Variants in HYDIN observed in about 807,000 individuals in gnomAD.
The protein encoded by HYDIN is axonemal central pair apparatus protein HYDIN.
In HYDIN, 132 loss-of-function variants were observed where a neutral mutation model predicts 403.9. That is an observed-to-expected ratio of 0.33 (90% confidence interval 0.28 to 0.38). The LOEUF is 0.38. HYDIN is among the 10% of genes least tolerant of loss of function. HYDIN has a pLI of 1.00. For synonymous variants in HYDIN, 1,202 were observed against 1,891.7 expected (o/e 0.64, Z 9.46); for missense variants, 2,827 against 5,009.5 (o/e 0.56, Z 13.15).
At chr16:71,019,554 T>C (rs560326363) in intron 22 of HYDIN, among the ~76,000 whole-genome samples, 2 of 152,258 alleles carry the variant, frequency 1.3e-5, no homozygotes, top group East Asian at 1.9e-4. Flanking sequence ...TTGTAGATCA[T>C]GGCATCTGTA....
At chr16:71,129,900 T>A in intron 8 of HYDIN, 77 bp from the exon 9 acceptor site, 1 of 1,541,392 alleles carries the variant, frequency 6.5e-7, no homozygotes, top group Non-Finnish European at 8.8e-7. Context: ...CTCTAGTACC[T>A]CCTCCTGGAA....
In HYDIN at chr16:70,834,247, T is replaced by C. The variant is rs370502511; in HGVS notation, c.13402-83A>G. On this transcript the variant is annotated intron_variant, in intron 78 of 85. Transcript: ENST00000393567. ...GTTCCCGGAGTTCTTGCTGCTGCGA[T>C]TGGAACAGGGGTCAGATCTCACTCC... The C allele has an allele frequency of 6.1e-4, 504 of 821,820 alleles. 6 individuals are homozygous for C. The Middle Eastern group carries it at 6.2e-3, about 10-fold the overall frequency. The allele number at this position is 821,820 out of a possible 1,614,324, so 50.9% of individuals were successfully genotyped here.
At chr16:71,006,766 ATC>A (rs1365595234) in intron 23 of HYDIN, among the ~76,000 whole-genome samples, 1 of 151,862 alleles carries the variant, frequency 6.6e-6, no homozygotes, top group East Asian at 1.9e-4. Flanking sequence ...GCTGGGACTG[ATC>A]ATCTAGCCCG....
At chr16:71,053,479 T>G (rs1312300728) in intron 18 of HYDIN, among the ~76,000 whole-genome samples, 1 of 152,158 alleles carries the variant, frequency 6.6e-6, no homozygotes, top group African/African-American at 2.4e-5. Flanking sequence ...CCACAGCAAT[T>G]AAAATGAAAT....
rs374838998 is a variant in HYDIN, at chr16:70,901,011, C to T, written c.9041G>A (p.Arg3014Gln). 63 of 553,466 alleles carry T rather than the reference C, an allele frequency of 1.1e-4. No individual in the cohort carries two copies. Among genetic ancestry groups the T allele is most frequent in the South Asian group, 2.0e-5 (1 of 50,914 alleles). The allele number at this position is 553,466 out of a possible 1,614,324, so 34.3% of individuals were successfully genotyped here. The change falls in exon 53 of 86, where the codon CGG becomes CAG. Residue 3014 changes from arginine to glutamine, a missense_variant. Transcript: ENST00000393567. Reference protein sequence around the residue: ...TKPVNIKKAIRLEVLDAENLL... With the variant: ...TKPVNIKKAIQLEVLDAENLL... ...GGATGTGTGAAGCCTCACCTCCAAC[C>T]GAATAGCCTTCTTGATGTTGACAGG...
At chr16:71,057,778 C>A (rs1330580011) in intron 18 of HYDIN, among the ~76,000 whole-genome samples, 13 of 145,968 alleles carry the variant, frequency 8.9e-5, no homozygotes, top group Admixed American at 8.2e-4. Flanking sequence ...AAAAAGTGGG[C>A]GAAGGACATG....
chr16:71,055,281 C>T (rs2081843649), intron 18 of HYDIN, among the ~76,000 whole-genome samples: 1 of 152,238 alleles, frequency 6.6e-6, no homozygotes, highest in Non-Finnish European at 1.5e-5. Context: ...CCTATTTCTA[C>T]CTAGTTAAAA....
chr16:71,171,899 T>C (rs538050322), intron 5 of HYDIN, among the ~76,000 whole-genome samples: 93 of 152,340 alleles, frequency 6.1e-4, no homozygotes, highest in Non-Finnish European at 1.1e-3. Context: ...TACTGCACCC[T>C]TTCTATGTAT....
chr16:71,052,143 T>C (rs796123561), intron 18 of HYDIN, among the ~76,000 whole-genome samples: 1 of 152,112 alleles, frequency 6.6e-6, no homozygotes, highest in Admixed American at 6.5e-5. Context: ...ATTGGTAAAA[T>C]AGACATAATA....
intron 75 of HYDIN, among the ~76,000 whole-genome samples, chr16:70,843,413 G>A (rs1458861719): frequency 7.9e-6 from 1 of 126,748 alleles, no homozygotes; most frequent in Non-Finnish European, 1.6e-5. Context: ...TGGTGTATAT[G>A]TGCCACATTT....
At chr16:70,925,842 C>T (rs955160062) in intron 45 of HYDIN, among the ~76,000 whole-genome samples, 1 of 151,908 alleles carries the variant, frequency 6.6e-6, no homozygotes, top group Non-Finnish European at 1.5e-5. Flanking sequence ...TTTATGCAGC[C>T]AAAAAACACA....
intron 4 of HYDIN, among the ~76,000 whole-genome samples, chr16:71,176,445 C>A (rs1034548696): frequency 6.6e-6 from 1 of 152,174 alleles, no homozygotes; most frequent in African/African-American, 2.4e-5. Context: ...TTCCTGCACC[C>A]CTTCAATGGC....
intron 9 of HYDIN, among the ~76,000 whole-genome samples, chr16:71,126,519 C>A (rs1263959928): frequency 6.6e-6 from 1 of 152,136 alleles, no homozygotes; most frequent in African/African-American, 2.4e-5. Context: ...AGCTGTCAGT[C>A]GTGGTAATCT....
intron 21 of HYDIN, among the ~76,000 whole-genome samples, chr16:71,021,529 C>T (rs374993422): frequency 3.9e-5 from 6 of 152,188 alleles, no homozygotes; most frequent in Middle Eastern, 3.4e-3. Flanking sequence ...TTTAATTTTT[C>T]AACTAGAGAA....
At chr16:71,107,280 C>A (rs1340257504) in intron 10 of HYDIN, among the ~76,000 whole-genome samples, 2 of 150,316 alleles carry the variant, frequency 1.3e-5, no homozygotes, top group Non-Finnish European at 3.0e-5. Flanking sequence ...CACATGTACC[C>A]TAGCACTTAA....
At chr16:70,835,000 A>G (rs1239940045) in intron 78 of HYDIN, among the ~76,000 whole-genome samples, 12 of 146,222 alleles carry the variant, frequency 8.2e-5, no homozygotes, top group Non-Finnish European at 1.5e-4. Context: ...ATACACACAT[A>G]TATATATACA....
chr16:71,170,505 G>A (rs1209062433), intron 5 of HYDIN, among the ~76,000 whole-genome samples: 3 of 152,026 alleles, frequency 2.0e-5, no homozygotes, highest in Non-Finnish European at 4.4e-5. Context: ...GGCAGCAAGG[G>A]GCCATTCTAA....
At position 70,807,801 on chromosome 16, in the gene HYDIN, T is replaced by C. The variant is rs768734492; in HGVS notation, c.15145A>G (p.Met5049Val). 7 of 1,614,154 alleles carry C rather than the reference T, an allele frequency of 4.3e-6. No individual in the cohort carries two copies. The highest frequency in any genetic ancestry group is 3.4e-6 in the Non-Finnish European group (4 of 1,180,014). Reference sequence around the variant, plus strand: ...TCCACGATGATGGAGAAGGTCACCATGTGATAGAAGACATTCTTGAAGGGG... The same window carrying C: ...TCCACGATGATGGAGAAGGTCACCACGTGATAGAAGACATTCTTGAAGGGG... ...IIPFKNVFYH[M>V]VTFSIIVDNP... The change falls in exon 86 of 86, where the codon ATG (methionine) becomes GTG (valine). Residue 5049 changes from methionine to valine, a missense_variant. Met to Val is a conservative substitution (Grantham distance 21, BLOSUM62 1). Transcript: ENST00000393567.
chr16:71,070,217 A>G (rs1053278486), intron 13 of HYDIN, among the ~76,000 whole-genome samples: 4 of 152,012 alleles, frequency 2.6e-5, no homozygotes, highest in African/African-American at 9.7e-5. Flanking sequence ...CTTGGCAAGC[A>G]ATACACTAAG....
Sources: allele counts gnomAD v4.1 joint callset (sites outside exome capture counted in the v4.1 genomes callset), GRCh38; gene constraint gnomAD v4.1.1; transcripts MANE v1.5; gene names NCBI Gene and HGNC (gene_info 2026-07-23, HGNC 2026-07-21).